GRID1: variants seen among roughly 807,000 people sequenced by gnomAD.
GRID1 encodes glutamate receptor ionotropic, delta-1.
A neutral mutation model predicts 98.0 loss-of-function variants in GRID1; 28 were observed. The ratio of observed to expected loss-of-function variants is 0.29; its 90% CI spans 0.21 to 0.39. The LOEUF is 0.39. Among genes scored for constraint, GRID1 ranks in the 10% least tolerant of loss-of-function variants. GRID1 has a pLI of 1.00. For synonymous variants in GRID1, 553 were observed against 538.5 expected, an observed-to-expected ratio of 1.03 and a Z score of -0.37; for missense variants, 1,111 against 1,340.5, an observed-to-expected ratio of 0.83 and a Z score of 2.67.
chr10:85,615,230 C>T (rs1024971397), intron 14 of GRID1, among the ~76,000 whole-genome samples: 1 of 152,154 alleles, frequency 6.6e-6, no homozygotes, highest in Non-Finnish European at 1.5e-5. Context: ...ACAGCATGGC[C>T]TCCTGATGGC....
At chr10:86,165,425 C>T (rs1308968596) in intron 3 of GRID1, among the ~76,000 whole-genome samples, 2 of 152,162 alleles carry the variant, frequency 1.3e-5, no homozygotes, top group African/African-American at 2.4e-5. Context: ...GAAATGGGAG[C>T]ACACGGACCC....
rs544149985 is a variant in GRID1 at position 86,332,385 on chromosome 10, C to T, written c.235+31556G>A. 3.3e-5 allele frequency among the ~76,000 whole-genome samples: 5 copies of T among 152,236 alleles called. No individual in the cohort carries two copies. The South Asian group carries it at 1.0e-3, about 32-fold the overall frequency. ...GGCATGAGGTATGAAGGGTCCAACC[C>T]TCTCCCTGCAGCTCAGAACGCCTCT... On this transcript the variant is annotated intron_variant, in intron 2 of 15. Coordinates refer to ENST00000327946, the MANE Select transcript of GRID1 (RefSeq NM_017551.3).
intron 5 of GRID1, among the ~76,000 whole-genome samples, chr10:85,893,341 C>T (rs1841233039): frequency 6.6e-6 from 1 of 152,144 alleles, no homozygotes; most frequent in South Asian, 2.1e-4. Flanking sequence ...ATATCCGCTA[C>T]TATTACTTCT....
intron 8 of GRID1, among the ~76,000 whole-genome samples, chr10:85,802,630 G>A (rs1163601072): frequency 6.6e-6 from 1 of 151,892 alleles, no homozygotes; most frequent in Non-Finnish European, 1.5e-5. Context: ...AATTTTAATA[G>A]GAAGAACTCC....
At chr10:86,304,300 A>T (rs1329537061) in intron 2 of GRID1, among the ~76,000 whole-genome samples, 1 of 152,170 alleles carries the variant, frequency 6.6e-6, no homozygotes, top group African/African-American at 2.4e-5. Context: ...CAACATACTT[A>T]TGTTGAGAAA....
intron 4 of GRID1, among the ~76,000 whole-genome samples, chr10:86,091,092 C>G (rs1844139690): frequency 6.6e-6 from 1 of 152,164 alleles, no homozygotes; most frequent in African/African-American, 2.4e-5. Context: ...AAGGAATTCT[C>G]TAGCTGAACT....
At chr10:86,002,701 C>T (rs1057084873) in intron 4 of GRID1, among the ~76,000 whole-genome samples, 14 of 152,222 alleles carry the variant, frequency 9.2e-5, no homozygotes, top group African/African-American at 2.9e-4. Flanking sequence ...TGTTGAACTA[C>T]GCACATATTT....
chr10:85,634,953 G>C (rs879800522), intron 13 of GRID1, among the ~76,000 whole-genome samples: 2 of 122,556 alleles, frequency 1.6e-5, no homozygotes, highest in Non-Finnish European at 3.2e-5. Flanking sequence ...AAGGTGAAGC[G>C]TATCAGACCT....
chr10:86,105,688 G>A (rs2131948038), intron 4 of GRID1, among the ~76,000 whole-genome samples: 1 of 152,330 alleles, frequency 6.6e-6, no homozygotes, highest in Non-Finnish European at 1.5e-5. Context: ...CGGCACTGTG[G>A]AGAGAAAGAT....
chr10:85,770,231 C>T (rs1842247999), intron 8 of GRID1, among the ~76,000 whole-genome samples: 1 of 152,198 alleles, frequency 6.6e-6, no homozygotes, highest in Non-Finnish European at 1.5e-5. Context: ...TGGAGTGGAC[C>T]TCTAGCAAAC....
In GRID1 at chr10:85,722,904, AG is replaced by A. The variant is rs1841719237; in HGVS notation, c.1997+98del. 6 of 945,806 alleles carry A rather than the reference AG, an allele frequency of 6.3e-6. No homozygotes were observed. The South Asian group carries it at 1.6e-4, about 26-fold the overall frequency. 58.6% of individuals were successfully genotyped at this position (945,806 alleles called of 1,614,324 possible). On this transcript the variant is annotated intron_variant, in intron 12 of 15. Coordinates refer to ENST00000327946, the MANE Select transcript of GRID1 (RefSeq NM_017551.3). ...CCAGGAGACCATCAGTTTGCAGATC[AG>A]GGCTCTCTCCATCATACCACACTGC...
At chr10:85,746,549 A>G (rs1470384738) in intron 8 of GRID1, among the ~76,000 whole-genome samples, 4 of 152,122 alleles carry the variant, frequency 2.6e-5, no homozygotes, top group Non-Finnish European at 5.9e-5. Flanking sequence ...ATGGCCTTCA[A>G]TTTCCACTTA....
At chr10:86,114,296 C>G (rs1468997767) in intron 4 of GRID1, among the ~76,000 whole-genome samples, 1 of 152,116 alleles carries the variant, frequency 6.6e-6, no homozygotes, top group East Asian at 1.9e-4. Context: ...GAGGGACTAA[C>G]CTTGTGGTCT....
intron 5 of GRID1, among the ~76,000 whole-genome samples, chr10:85,875,991 G>A (rs1197104328): frequency 6.6e-6 from 1 of 152,068 alleles, no homozygotes; most frequent in Non-Finnish European, 1.5e-5. Context: ...CTCAGTTTTT[G>A]TTTGCTGGGA....
intron 4 of GRID1, among the ~76,000 whole-genome samples, chr10:85,950,950 A>G (rs770382305): frequency 7.9e-5 from 12 of 152,258 alleles, no homozygotes; most frequent in Middle Eastern, 3.4e-3. Flanking sequence ...GGCCTGGAGT[A>G]TATGTGGGAG....
chr10:85,736,436 G>C (rs1341801886), intron 8 of GRID1, among the ~76,000 whole-genome samples: 4 of 152,186 alleles, frequency 2.6e-5, no homozygotes, highest in Non-Finnish European at 5.9e-5. Context: ...AGCTCAGTTG[G>C]TAAGCTTGTC....
intron 4 of GRID1, among the ~76,000 whole-genome samples, chr10:86,109,101 G>C (rs909354996): frequency 6.6e-6 from 1 of 152,100 alleles, no homozygotes; most frequent in Non-Finnish European, 1.5e-5. Context: ...TTAAGCAAAC[G>C]TTCTTCCAGC....
chr10:85,727,744 T>C (rs1231109629), intron 10 of GRID1, 111 bp downstream of exon 10: 5 of 729,094 alleles, frequency 6.9e-6, no homozygotes, highest in Non-Finnish European at 1.2e-5. Context: ...ATGGTAACTG[T>C]GGTCTGTTTA....
chr10:86,298,221 T>C (rs1224266970), intron 2 of GRID1, among the ~76,000 whole-genome samples: 1 of 152,206 alleles, frequency 6.6e-6, no homozygotes, highest in African/African-American at 2.4e-5. Context: ...ATTGAAATGA[T>C]AATTATGAAA....
Sources: allele counts gnomAD v4.1 joint callset (sites outside exome capture counted in the v4.1 genomes callset), GRCh38; gene constraint gnomAD v4.1.1; transcripts MANE v1.5; gene names NCBI Gene and HGNC (gene_info 2026-07-23, HGNC 2026-07-21).